Variants in MAP4K5 observed in about 807,000 individuals in gnomAD.
MAP4K5 encodes the protein mitogen-activated protein kinase kinase kinase kinase 5.
In MAP4K5, 82 loss-of-function variants were observed where a neutral mutation model predicts 135.6. That is an observed-to-expected ratio of 0.60 (90% CI 0.51 to 0.73). The LOEUF (loss-of-function observed/expected upper bound fraction) is 0.73, where lower values mean the gene tolerates loss of function less well. Ranked by LOEUF, MAP4K5 falls within the 30% of genes least tolerant of loss-of-function variation. MAP4K5 has a pLI of 0.00. For synonymous variants in MAP4K5, 347 were observed against 335.0 expected (o/e 1.04, Z -0.39); for missense variants, 907 against 1,010.9 (o/e 0.90, Z 1.39).
intron 8 of MAP4K5, among the ~76,000 whole-genome samples, chr14:50,475,492 T>C (rs866633946): frequency 5.9e-5 from 9 of 152,286 alleles, no homozygotes; most frequent in Middle Eastern, 6.8e-3. Context: ...TATCCTAATA[T>C]AACAAGGATA....
chr14:50,429,211 G>A lies in MAP4K5; in HGVS notation c.2214C>T (p.Thr738=), dbSNP rs376447575. ...ACTTACTGTCTAAACACACTAAAAC[G>A]GTATCTCTCTCCAACTGTGTTACAT... The part of the protein sequence containing the change: ...SIHVTQLERD[T]VLVCLDKFVK... Residue 738 remains threonine (T), a synonymous_variant, in exon 29 of 33, where the codon ACC becomes ACT. Coordinates refer to ENST00000682126, the MANE Select transcript of MAP4K5 (RefSeq NM_006575.6). 1.1e-4 allele frequency: 166 copies of A among 1,557,970 alleles called. No homozygotes were observed. Among genetic ancestry groups the A allele is most frequent in the Non-Finnish European group, 1.3e-4 (151 of 1,148,978 alleles).
intron 6 of MAP4K5, among the ~76,000 whole-genome samples, chr14:50,477,552 G>A (rs1034835464): frequency 6.6e-6 from 1 of 152,186 alleles, no homozygotes; most frequent in African/African-American, 2.4e-5. Flanking sequence ...CTGTTTGGGT[G>A]AGCCTGGAGG....
intron 30 of MAP4K5, among the ~76,000 whole-genome samples, chr14:50,426,675 G>T (rs896786171): frequency 1.3e-5 from 2 of 152,208 alleles, no homozygotes; most frequent in African/African-American, 4.8e-5. Context: ...AGTGAGCCGA[G>T]ATCACGTCAC....
intron 1 of MAP4K5, among the ~76,000 whole-genome samples, chr14:50,543,100 T>C (rs942899835): frequency 3.3e-5 from 5 of 152,212 alleles, no homozygotes; most frequent in African/African-American, 4.8e-5. Flanking sequence ...AGATCTGTTC[T>C]CCAGGTGTCA....
intron 1 of MAP4K5, among the ~76,000 whole-genome samples, chr14:50,551,082 C>G (rs1427831830): frequency 1.3e-5 from 2 of 151,660 alleles, no homozygotes; most frequent in East Asian, 3.9e-4. Context: ...ACAGATGAAA[C>G]AAAAAGCTGT....
At chr14:50,470,788 G>C (rs2139847585) in intron 9 of MAP4K5, among the ~76,000 whole-genome samples, 1 of 151,978 alleles carries the variant, frequency 6.6e-6, no homozygotes, top group Non-Finnish European at 1.5e-5. Flanking sequence ...CCACTGAATT[G>C]AATAAATGTA....
At chr14:50,517,336 G>C (rs1217598718) in intron 2 of MAP4K5, among the ~76,000 whole-genome samples, 4 of 151,756 alleles carry the variant, frequency 2.6e-5, no homozygotes, top group Non-Finnish European at 5.9e-5. Context: ...ATTTTTAGTG[G>C]AGACGGGGTT....
intron 26 of MAP4K5, among the ~76,000 whole-genome samples, 178 bp downstream of exon 26, chr14:50,437,298 A>C (rs560059037): frequency 6.6e-6 from 1 of 152,188 alleles, no homozygotes; most frequent in Non-Finnish European, 1.5e-5. Flanking sequence ...TATTATCTCT[A>C]AGCATTTCTA....
At chr14:50,434,194 T>C (rs938577451) in intron 28 of MAP4K5, among the ~76,000 whole-genome samples, 200 bp downstream of exon 28, 1 of 152,198 alleles carries the variant, frequency 6.6e-6, no homozygotes, top group African/African-American at 2.4e-5. Context: ...ATTTCCTTTG[T>C]TTAAATAATT....
chr14:50,513,582 G>A (rs2037972902), intron 2 of MAP4K5, among the ~76,000 whole-genome samples: 1 of 7,116 alleles, frequency 1.4e-4, no homozygotes, highest in African/African-American at 3.6e-4. Flanking sequence ...TTTATAAACT[G>A]GGGCTAAAAA....
intron 6 of MAP4K5, among the ~76,000 whole-genome samples, chr14:50,477,604 T>C (rs570583417): frequency 6.6e-6 from 1 of 152,216 alleles, no homozygotes; most frequent in Non-Finnish European, 1.5e-5. Context: ...GAGTTAGTCA[T>C]AGGTTTTTCA....
intron 2 of MAP4K5, among the ~76,000 whole-genome samples, chr14:50,525,575 C>T (rs1022451442): frequency 3.9e-5 from 6 of 152,138 alleles, no homozygotes; most frequent in African/African-American, 1.4e-4. Context: ...GTACTCACAC[C>T]CTAAAATCCC....
intron 3 of MAP4K5, among the ~76,000 whole-genome samples, chr14:50,491,208 C>T (rs1184675805): frequency 1.3e-5 from 2 of 152,174 alleles, no homozygotes; most frequent in East Asian, 1.9e-4. Flanking sequence ...TCATCACACC[C>T]CTCCTTCCAA....
chr14:50,421,460 G>C (rs190083316), intron 32 of MAP4K5, among the ~76,000 whole-genome samples: 130 of 151,702 alleles, frequency 8.6e-4, no homozygotes, highest in African/African-American at 3.0e-3. Flanking sequence ...CAGGGTTTCT[G>C]CATGTTGGTC....
At chr14:50,520,415 T>C (rs1020286244) in intron 2 of MAP4K5, among the ~76,000 whole-genome samples, 9 of 152,046 alleles carry the variant, frequency 5.9e-5, no homozygotes, top group African/African-American at 2.2e-4. Context: ...GCAGAAGAAT[T>C]GCTTGAACCC....
intron 3 of MAP4K5, among the ~76,000 whole-genome samples, chr14:50,503,874 C>A (rs3783410): frequency 0.027 from 4,118 of 152,016 alleles, 74 homozygotes; most frequent in East Asian, 0.068. Flanking sequence ...CAGGCAAAGG[C>A]TTGTATAGTT....
chr14:50,501,519 A>T (rs1165076777), intron 3 of MAP4K5, among the ~76,000 whole-genome samples: 1 of 152,142 alleles, frequency 6.6e-6, no homozygotes, highest in African/African-American at 2.4e-5. Context: ...TTCACATATT[A>T]AAAAAAGAAA....
rs1389094817 is a variant in MAP4K5, at chr14:50,442,736, T to C, written c.1560A>G (p.Thr520=). ...NCATSWIHPD[T]KDQYIIFGTE... ...TATAAAATTCAAACATTTTACCTTT[T>C]GTATCAGGATGTATCCAGGATGTTG... Residue 520 remains threonine, a synonymous_variant, in exon 21 of 33, where the codon ACA becomes ACG. Coordinates refer to ENST00000682126, the MANE Select transcript of MAP4K5 (RefSeq NM_006575.6). The C allele has an allele frequency of 6.3e-7, 1 of 1,577,634 alleles. No individual in the cohort carries two copies. The highest frequency in any genetic ancestry group is 1.9e-5 in the Admixed American group (1 of 52,926).
chr14:50,476,191 C>T (rs559347114), intron 7 of MAP4K5, 21 bp from the exon 8 acceptor site: 33 of 1,489,064 alleles, frequency 2.2e-5, no homozygotes, highest in Non-Finnish European at 3.0e-5. Context: ...AATACAAATA[C>T]AATTAAATTA....
Sources: gnomAD v4.1 joint callset for allele counts (sites outside exome capture counted in the v4.1 genomes callset) on GRCh38, gnomAD v4.1.1 for gene constraint, MANE v1.5 for transcripts, NCBI Gene and HGNC (gene_info 2026-07-23, HGNC 2026-07-21) for gene names.